HNRNPLL: variants seen among roughly 807,000 people sequenced by gnomAD.
HNRNPLL encodes heterogeneous nuclear ribonucleoprotein L-like.
Under a neutral mutation model 67.1 loss-of-function variants are expected in HNRNPLL, and 25 were observed. The ratio of observed to expected loss-of-function variants is 0.37; its 90% CI spans 0.27 to 0.52. HNRNPLL has a LOEUF of 0.52. Ranked by LOEUF, HNRNPLL falls within the 20% of genes least tolerant of loss-of-function variation. The probability of loss-of-function intolerance (pLI) is 0.90; values close to 1 mark genes in which losing one functional copy is unlikely to be tolerated. For synonymous variants in HNRNPLL, 267 were observed against 241.7 expected, an observed-to-expected ratio of 1.10 and a Z score of -0.97; for missense variants, 542 against 673.9, an observed-to-expected ratio of 0.80 and a Z score of 2.17.
At chr2:38,583,781 C>G in intron 4 of HNRNPLL, 60 bp downstream of exon 4, 1 of 782,170 alleles carries the variant, frequency 1.3e-6, no homozygotes, top group Non-Finnish European at 2.1e-6. Context: ...AATGCTTAAG[C>G]CAGAAAAAAT....
chr2:38,602,768 C>T lies in HNRNPLL; in HGVS notation c.-142G>A, dbSNP rs1381283894. On this transcript the variant is annotated 5_prime_UTR_variant, in exon 1 of 13. Coordinates refer to ENST00000449105, the MANE Select transcript of HNRNPLL (RefSeq NM_138394.4). ...GGCCCGGCCGTCCGCGGGGACTGCG[C>T]GGCCAGGAGACTGGCGGCTGAGAAG... The T allele has an allele frequency of 2.0e-5, 30 of 1,521,726 alleles. No homozygotes were observed. Among genetic ancestry groups the T allele is most frequent in the African/African-American group, 2.9e-5 (2 of 69,496 alleles). 94.3% of individuals were successfully genotyped at this position (1,521,726 alleles called of 1,614,324 possible). A position where few individuals can be genotyped will look rare whatever the true frequency, so the allele number is the denominator to read the frequency against.
intron 2 of HNRNPLL, among the ~76,000 whole-genome samples, chr2:38,591,279 T>C (rs1217855772): frequency 1.3e-5 from 2 of 152,198 alleles, no homozygotes; most frequent in Non-Finnish European, 1.5e-5. Context: ...ACATAATTTC[T>C]TTATACAACT....
intron 10 of HNRNPLL, 37 bp downstream of exon 10, chr2:38,569,096 A>G: frequency 7.2e-7 from 1 of 1,380,354 alleles, no homozygotes; most frequent in Non-Finnish European, 1.0e-6. Context: ...AATAGGAAAT[A>G]GCAACATTCT....
chr2:38,602,349 T>C lies in HNRNPLL; in HGVS notation c.189+89A>G, dbSNP rs367833735. ...AACGGGTCGGCGCAGCGGAAAAGGC[T>C]AACTGAAGCAAGCGGGAGGCCCCGC... On this transcript the variant is annotated intron_variant, in intron 1 of 12. Transcript: ENST00000449105. 6.3e-4 allele frequency: 822 copies of C among 1,297,498 alleles called. 20 individuals carry two copies. The South Asian group carries it at 0.01, about 16-fold the overall frequency. The allele number at this position is 1,297,498 out of a possible 1,614,324, so 80.4% of individuals were successfully genotyped here.
chr2:38,569,725 T>C (rs1573722312), intron 9 of HNRNPLL, 79 bp downstream of exon 9: 4 of 712,966 alleles, frequency 5.6e-6, no homozygotes, highest in Non-Finnish European at 8.8e-6. Context: ...TATTCTCAAG[T>C]TGACATTAAT....
At chr2:38,581,658 C>CA in intron 6 of HNRNPLL, 2 of 521,310 alleles carry the variant, frequency 3.8e-6, no homozygotes, top group Non-Finnish European at 3.3e-6. Flanking sequence ...TGGAGAAATG[C>CA]AAGTCCTTGA....
In HNRNPLL at chr2:38,563,838, C is replaced by T. The variant is rs1021923979; in HGVS notation, c.*344G>A. On this transcript the variant is annotated 3_prime_UTR_variant, in exon 13 of 13. Transcript: ENST00000449105. ...ATGCAATACTTTCACCTGCATTAAT[C>T]TCTTACACAATGAAAAAATACTTGC... 1 of 188,068 alleles carries T rather than the reference C, an allele frequency of 5.3e-6. No homozygotes were observed. Among genetic ancestry groups the T allele is most frequent in the African/African-American group, 2.4e-5 (1 of 42,354 alleles). The allele number at this position is 188,068 out of a possible 1,614,324, so 11.6% of individuals were successfully genotyped here. A position where few individuals can be genotyped will look rare whatever the true frequency, so the allele number is the denominator to read the frequency against.
At chr2:38,582,643 G>C (rs1354142117) in intron 4 of HNRNPLL, among the ~76,000 whole-genome samples, 1 of 152,072 alleles carries the variant, frequency 6.6e-6, no homozygotes, top group African/African-American at 2.4e-5. Context: ...AGGGTGGCTG[G>C]GCACAGTTGC....
At position 38,564,253 on chromosome 2, in the gene HNRNPLL, A is replaced by C; in HGVS notation, c.1574-16T>G. ...TTGGAACCATCTGTAAAAAGTAAAA[A>C]ACAGTTAATATTTCACTTCATCAAA... On this transcript the variant is annotated splice_polypyrimidine_tract_variant and intron_variant, in intron 12 of 12. Coordinates refer to ENST00000449105, the MANE Select transcript of HNRNPLL (RefSeq NM_138394.4). 7.0e-7 allele frequency: 1 copy of C among 1,430,086 alleles called. No individual in the cohort carries two copies. Among genetic ancestry groups the C allele is most frequent in the Non-Finnish European group, 9.8e-7 (1 of 1,016,314 alleles). 88.6% of individuals were successfully genotyped at this position (1,430,086 alleles called of 1,614,324 possible).
intron 1 of HNRNPLL, 24 bp downstream of exon 1, chr2:38,602,414 G>A (rs1667480199): frequency 6.5e-7 from 1 of 1,546,866 alleles, no homozygotes; most frequent in African/African-American, 1.4e-5. Context: ...AGGCACAGCG[G>A]ACAGGGGGGC....
At chr2:38,575,068 T>C (rs962074122) in intron 7 of HNRNPLL, among the ~76,000 whole-genome samples, 2 of 151,842 alleles carry the variant, frequency 1.3e-5, no homozygotes, top group Non-Finnish European at 3.0e-5. Flanking sequence ...TGGAAACTTT[T>C]ACTCTATGTA....
chr2:38,564,936 C>T (rs970251478), intron 12 of HNRNPLL, among the ~76,000 whole-genome samples: 1 of 151,170 alleles, frequency 6.6e-6, no homozygotes, highest in African/African-American at 2.4e-5. Context: ...CCAAAAGGTT[C>T]CAGGAAATCT....
At chr2:38,601,098 A>T (rs1228418320) in intron 1 of HNRNPLL, among the ~76,000 whole-genome samples, 1 of 152,222 alleles carries the variant, frequency 6.6e-6, no homozygotes, top group Admixed American at 6.5e-5. Context: ...TTTGAACTGA[A>T]ACTTCCTAAG....
At chr2:38,600,777 C>G (rs190214461) in intron 1 of HNRNPLL, among the ~76,000 whole-genome samples, 2 of 152,074 alleles carry the variant, frequency 1.3e-5, no homozygotes, top group Admixed American at 1.3e-4. Context: ...GTATGCTAAG[C>G]CTAGACTCTT....
chr2:38,587,818 G>T (rs992578528), intron 2 of HNRNPLL, among the ~76,000 whole-genome samples: 5 of 152,160 alleles, frequency 3.3e-5, no homozygotes, highest in Non-Finnish European at 7.3e-5. Context: ...GCCGATGTAG[G>T]AAGTGGGGCC....
At chr2:38,588,512 G>A (rs1329501324) in intron 2 of HNRNPLL, among the ~76,000 whole-genome samples, 2 of 129,248 alleles carry the variant, frequency 1.5e-5, no homozygotes, top group Non-Finnish European at 3.1e-5. Flanking sequence ...TCGCGCCACT[G>A]CACCAGCTTG....
chr2:38,602,607 G>A lies in HNRNPLL; in HGVS notation c.20C>T (p.Ser7Phe). Reference sequence around the variant, plus strand: ...GTCCTCCTCGTACGTCTCCCTGGGGGAGGAAGAGGAGGAGGACATGGCGGC... The same window carrying A: ...GTCCTCCTCGTACGTCTCCCTGGGGAAGGAAGAGGAGGAGGACATGGCGGC... MSSSSS[S>F]PRETYEEDRE... The change falls in exon 1 of 13, where the codon TCC becomes TTC. Residue 7 changes from serine to phenylalanine, a missense_variant. Physicochemically the swap from Ser to Phe is radical, Grantham distance 155 (BLOSUM62 -2). Around this residue, in one of 2 missense-constraint regions of HNRNPLL, gnomAD observed 127 missense variants for 98.7 expected, o/e 1.29. Transcript: ENST00000449105. 1.9e-6 allele frequency: 3 copies of A among 1,560,284 alleles called. No homozygotes were observed. The highest frequency in any genetic ancestry group is 2.6e-6 in the Non-Finnish European group (3 of 1,156,950).
intron 4 of HNRNPLL, among the ~76,000 whole-genome samples, chr2:38,582,547 T>G (rs1283222847): frequency 6.6e-6 from 1 of 152,176 alleles, no homozygotes; most frequent in Non-Finnish European, 1.5e-5. Flanking sequence ...CTTGACTTCG[T>G]GATCCGCCCG....
chr2:38,590,979 T>C (rs1274509879), intron 2 of HNRNPLL, among the ~76,000 whole-genome samples: 1 of 152,192 alleles, frequency 6.6e-6, no homozygotes, highest in Non-Finnish European at 1.5e-5. Flanking sequence ...CACTCCAGCT[T>C]GGGCAACAGA....
Sources: allele counts gnomAD v4.1 joint callset (sites outside exome capture counted in the v4.1 genomes callset), GRCh38; gene constraint gnomAD v4.1.1; regional missense constraint gnomAD v4.1.1; transcripts MANE v1.5; gene names NCBI Gene and HGNC (gene_info 2026-07-23, HGNC 2026-07-21).